The following LRRC20 variants were observed in gnomAD, a reference collection of about 807,000 sequenced individuals.
LRRC20 encodes the protein leucine-rich repeat-containing protein 20.
A neutral mutation model predicts 14.4 loss-of-function variants in LRRC20; 11 were observed. The observed-to-expected ratio is 0.77, with a 90% confidence interval of 0.48 to 1.27. The LOEUF is 1.27. Ranked by LOEUF, LRRC20 falls within the 50% of genes most tolerant of loss-of-function variation. The pLI is 0.00. For synonymous variants in LRRC20, 121 were observed against 107.3 expected, an observed-to-expected ratio of 1.13 and a Z score of -0.79; for missense variants, 219 against 251.2, an observed-to-expected ratio of 0.87 and a Z score of 0.87.
At chr10:70,330,277 C>G (rs1842486900) in intron 3 of LRRC20, among the ~76,000 whole-genome samples, 1 of 151,914 alleles carries the variant, frequency 6.6e-6, no homozygotes, top group Non-Finnish European at 1.5e-5. Context: ...ATGAATTCCA[C>G]TTATTTGATA....
intron 2 of LRRC20, among the ~76,000 whole-genome samples, chr10:70,363,276 G>A (rs1843824556): frequency 6.6e-6 from 1 of 151,048 alleles, no homozygotes; most frequent in African/African-American, 2.4e-5. Context: ...GGAGGGGAGG[G>A]GAGAAGAAAC....
chr10:70,304,470 T>TATATATATATATATATATA, intron 4 of LRRC20, among the ~76,000 whole-genome samples: 1 of 113,824 alleles, frequency 8.8e-6, no homozygotes, highest in Non-Finnish European at 1.9e-5. Flanking sequence ...GGCCACTTCT[T>TATATATATATATATATATA]TATATATATA....
chr10:70,362,742 C>A (rs574710032), intron 2 of LRRC20, among the ~76,000 whole-genome samples: 1 of 152,264 alleles, frequency 6.6e-6, no homozygotes, highest in South Asian at 2.1e-4. Flanking sequence ...GGCAGTTTTG[C>A]CCCCAGGGGA....
At chr10:70,340,848 T>A (rs1842889810) in intron 2 of LRRC20, 146 bp from the exon 3 acceptor site, 2 of 772,230 alleles carry the variant, frequency 2.6e-6, no homozygotes, top group Non-Finnish European at 4.2e-6. Flanking sequence ...CTTCAGACCC[T>A]GCCCTCCCTC....
rs1296858412 is a variant in LRRC20, at chr10:70,365,341, AG to A, written c.82+11110del. 3.9e-5 allele frequency among the ~76,000 whole-genome samples: 6 copies of A among 152,264 alleles called. No homozygotes were observed. The East Asian group carries it at 1.2e-3, about 29-fold the overall frequency. ...CCAAAGTTCTGGGATTACAGGCGCG[AG>A]CCACCGCGCCCGGCGAGATTCAACT... On this transcript the variant is annotated intron_variant, in intron 2 of 4. Transcript: ENST00000446961.
rs771286899 is a variant in LRRC20 at position 70,340,695 on chromosome 10, G to A, written c.90C>T (p.Ala30=). ...TGGGAAAGGAGACCAGCTTGCACTC[G>A]GCCAGGTCTGCAGCCAAAGAACAAA... The part of the protein sequence containing the change: ...VESGSDTLDL[A]ECKLVSFPIG... The change falls in exon 3 of 5, where the codon GCC becomes GCT. Residue 30 remains alanine (A), a synonymous_variant. Coordinates refer to ENST00000446961, the MANE Select transcript of LRRC20 (RefSeq NM_001278212.2). The A allele has an allele frequency of 6.8e-6, 11 of 1,613,986 alleles. No homozygotes were observed. Among genetic ancestry groups the A allele is most frequent in the East Asian group, 4.5e-5 (2 of 44,892 alleles).
chr10:70,363,237 A>AGGGAGGGAAGGGTGGAG (rs1401554046), intron 2 of LRRC20, among the ~76,000 whole-genome samples: 22 of 129,154 alleles, frequency 1.7e-4, no homozygotes, highest in African/African-American at 5.7e-4. Context: ...GCCTGGGCAA[A>AGGGAGGGAAGGGTGGAG]GGGAGGGAAG....
chr10:70,323,403 A>T (rs1842173750), intron 4 of LRRC20, among the ~76,000 whole-genome samples: 1 of 152,078 alleles, frequency 6.6e-6, no homozygotes, highest in Non-Finnish European at 1.5e-5. Context: ...GCTGACAGGG[A>T]GCAGCGTGTT....
chr10:70,374,197 G>C (rs1353825647), intron 2 of LRRC20, among the ~76,000 whole-genome samples: 1 of 152,026 alleles, frequency 6.6e-6, no homozygotes. Flanking sequence ...TCTCCTCACC[G>C]CTGCCTCCTG....
At chr10:70,335,588 C>T (rs765572598) in intron 3 of LRRC20, among the ~76,000 whole-genome samples, 1 of 152,220 alleles carries the variant, frequency 6.6e-6, no homozygotes, top group Non-Finnish European at 1.5e-5. Context: ...CCGTGCCTTC[C>T]TGGCCTGGCC....
rs1842877413 is a variant in LRRC20 at position 70,340,617 on chromosome 10, G to A, written c.168C>T (p.Thr56=). The A allele has an allele frequency of 1.2e-6, 2 of 1,614,156 alleles. No individual in the cohort carries two copies. Among genetic ancestry groups the A allele is most frequent in the Admixed American group, 3.3e-5 (2 of 60,024 alleles). ...GGGACTTAAGCTCGTTGTTAGCCAGGGTGATGAGGTGGATCTGGCCAGAGA... is the reference window on the plus strand; with the variant it reads ...GGGACTTAAGCTCGTTGTTAGCCAGAGTGATGAGGTGGATCTGGCCAGAGA... The part of the protein sequence containing the change: ...RNVSGQIHLI[T]LANNELKSLT... Residue 56 remains threonine (T), a synonymous_variant, in exon 3 of 5, where the codon ACC becomes ACT. Coordinates refer to ENST00000446961, the MANE Select transcript of LRRC20 (RefSeq NM_001278212.2).
chr10:70,303,141 A>G (rs1021707326), intron 4 of LRRC20, among the ~76,000 whole-genome samples: 19 of 152,236 alleles, frequency 1.2e-4, no homozygotes, highest in Non-Finnish European at 1.3e-4. Context: ...ATTGTATAGT[A>G]TGTGTCAATA....
At position 70,301,059 on chromosome 10, in the gene LRRC20, C is replaced by A; in HGVS notation, c.*295G>T. On this transcript the variant is annotated 3_prime_UTR_variant, in exon 5 of 5. Coordinates refer to ENST00000446961, the MANE Select transcript of LRRC20 (RefSeq NM_001278212.2). ...AGGGAGCCCAAAGGAGGGAAAGGGT[C>A]CTGTTTTTTTCAAGTGACAAGGCTC... 5.1e-6 allele frequency: 6 copies of A among 1,184,082 alleles called. No homozygotes were observed. Among genetic ancestry groups the A allele is most frequent in the Non-Finnish European group, 5.2e-6 (5 of 956,092 alleles). 73.3% of individuals were successfully genotyped at this position (1,184,082 alleles called of 1,614,324 possible). A position where few individuals can be genotyped will look rare whatever the true frequency, so the allele number is the denominator to read the frequency against.
intron 2 of LRRC20, among the ~76,000 whole-genome samples, chr10:70,364,482 G>A (rs1843888825): frequency 6.6e-6 from 1 of 152,206 alleles, no homozygotes; most frequent in Non-Finnish European, 1.5e-5. Flanking sequence ...TGATTCAGTG[G>A]GTATCTATTA....
At chr10:70,382,218 G>A (rs1005534815) in intron 1 of LRRC20, among the ~76,000 whole-genome samples, 27 of 152,338 alleles carry the variant, frequency 1.8e-4, no homozygotes, top group African/African-American at 5.3e-4. Flanking sequence ...GGCGCCTCCC[G>A]CGAGGAATGG....
intron 2 of LRRC20, among the ~76,000 whole-genome samples, chr10:70,347,482 C>T (rs1273407688): frequency 7.9e-5 from 12 of 152,126 alleles, no homozygotes; most frequent in African/African-American, 2.7e-4. Flanking sequence ...ATCTACACAC[C>T]ATCCCAACCT....
intron 2 of LRRC20, among the ~76,000 whole-genome samples, chr10:70,365,053 CTTTTTTTTTTTTT>C (rs10581759): frequency 1.4e-5 from 1 of 71,430 alleles, no homozygotes; most frequent in African/African-American, 5.2e-5. Flanking sequence ...TGAGATTCAA[CTTTTTTTTTTTTT>C]TTTTTTTTTT....
intron 3 of LRRC20, among the ~76,000 whole-genome samples, chr10:70,329,627 T>A (rs1473456266): frequency 6.6e-6 from 1 of 150,452 alleles, no homozygotes; most frequent in Non-Finnish European, 1.5e-5. Flanking sequence ...AGTGGCACGA[T>A]CTCGGCTCAC....
intron 2 of LRRC20, among the ~76,000 whole-genome samples, chr10:70,366,285 T>C (rs1843998234): frequency 6.7e-6 from 1 of 148,494 alleles, no homozygotes; most frequent in Admixed American, 6.7e-5. Context: ...TAACCAGGCA[T>C]GGTGGCAGGC....
Sources: gnomAD v4.1 joint callset for allele counts (sites outside exome capture counted in the v4.1 genomes callset) on GRCh38, gnomAD v4.1.1 for gene constraint, MANE v1.5 for transcripts, NCBI Gene and HGNC (gene_info 2026-07-23, HGNC 2026-07-21) for gene names.